Variants in HAO2 observed in about 807,000 individuals in gnomAD.
HAO2 encodes the protein 2-Hydroxyacid oxidase 2.
HAO2 carries 42 observed loss-of-function variants against 37.4 expected under a neutral mutation model. The ratio of observed to expected loss-of-function variants is 1.12; its 90% CI spans 0.88 to 1.45. The LOEUF is 1.45. Ranked by LOEUF, HAO2 falls within the 40% of genes most tolerant of loss-of-function variation. The pLI is 0.00. For synonymous variants in HAO2, 180 were observed against 162.8 expected (o/e 1.11, Z -0.81); for missense variants, 476 against 430.2 (o/e 1.11, Z -0.94).
Position 119,392,644 on chromosome 1 carries a change from G to T in HAO2, c.957G>T (p.Leu319Phe). ...GTGAACATGGTGTTAAGGAAGTTTT[G>T]AACATTTTAACAAATGAGTTCCACA... The part of the protein sequence containing the change: ...CKGEHGVKEV[L>F]NILTNEFHTS... The change falls in exon 7 of 8, where the codon TTG becomes TTT. Residue 319 changes from leucine to phenylalanine, a missense_variant. By Grantham distance (22) the Leu-to-Phe change is conservative. Coordinates refer to ENST00000325945, the MANE Select transcript of HAO2 (RefSeq NM_016527.4). 1 of 1,610,768 alleles carries T rather than the reference G, an allele frequency of 6.2e-7. No homozygotes were observed. The highest frequency in any genetic ancestry group is 2.2e-5 in the East Asian group (1 of 44,840).
intron 1 of HAO2, among the ~76,000 whole-genome samples, chr1:119,370,957 TG>T (rs1648945172): frequency 6.6e-6 from 1 of 152,200 alleles, no homozygotes. Context: ...CGTCAGAGCC[TG>T]TTTTGGAGCT....
intron 5 of HAO2, among the ~76,000 whole-genome samples, chr1:119,387,095 C>A (rs1436374523): frequency 1.3e-5 from 2 of 152,066 alleles, no homozygotes; most frequent in Admixed American, 6.6e-5. Context: ...CCCTGATTTG[C>A]AAATGGGGAT....
chr1:119,386,185 C>G (rs1295025788), intron 4 of HAO2, among the ~76,000 whole-genome samples: 1 of 151,898 alleles, frequency 6.6e-6, no homozygotes, highest in African/African-American at 2.4e-5. Context: ...TTTTGTTGCT[C>G]CTGTTTCTTT....
At chr1:119,378,162 C>T (rs1044438031) in intron 1 of HAO2, among the ~76,000 whole-genome samples, 4 of 152,146 alleles carry the variant, frequency 2.6e-5, no homozygotes, top group Admixed American at 1.3e-4. Context: ...TAGAGAATGT[C>T]TATCTTTAGA....
chr1:119,371,681 G>A (rs893508192), intron 1 of HAO2, among the ~76,000 whole-genome samples: 1 of 152,124 alleles, frequency 6.6e-6, no homozygotes, highest in South Asian at 2.1e-4. Flanking sequence ...TTTCTCACCC[G>A]TGAAATGGGG....
In HAO2 at chr1:119,385,621, G is replaced by A. The variant is rs187324439; in HGVS notation, c.561+568G>A. 88 of 985,290 alleles carry A rather than the reference G, an allele frequency of 8.9e-5. No individual in the cohort carries two copies. In the African/African-American group the frequency reaches 1.4e-3, roughly 16 times the overall value. The allele number at this position is 985,290 out of a possible 1,614,324, so 61.0% of individuals were successfully genotyped here. On this transcript the variant is annotated intron_variant, in intron 4 of 7. Coordinates refer to ENST00000325945, the MANE Select transcript of HAO2 (RefSeq NM_016527.4). ...CATTTGTTTGTAATCTCTGAACTAG[G>A]TGACTACAAAGGGGACCTTCCCCAT...
chr1:119,377,271 GA>G (rs751262862), intron 1 of HAO2, among the ~76,000 whole-genome samples: 4 of 152,142 alleles, frequency 2.6e-5, no homozygotes, highest in Non-Finnish European at 4.4e-5. Flanking sequence ...ATCTCTAAGG[GA>G]GGGGCAAAAT....
intron 7 of HAO2, among the ~76,000 whole-genome samples, chr1:119,393,448 A>G (rs1174657650): frequency 6.6e-6 from 1 of 152,150 alleles, no homozygotes; most frequent in Non-Finnish European, 1.5e-5. Flanking sequence ...CCTCCCGAAA[A>G]GATACTTCCT....
At chr1:119,384,293 A>C (rs1461426051) in intron 3 of HAO2, among the ~76,000 whole-genome samples, 1 of 152,220 alleles carries the variant, frequency 6.6e-6, no homozygotes, top group Non-Finnish European at 1.5e-5. Flanking sequence ...GATAAAGAAA[A>C]TGAGAGACTC....
intron 1 of HAO2, chr1:119,370,477 A>G (rs1436977103): frequency 6.6e-6 from 1 of 152,184 alleles, no homozygotes; most frequent in East Asian, 1.9e-4. Flanking sequence ...GCCTTTATTA[A>G]CAATCTAGTC....
chr1:119,371,215 C>T (rs182476442), intron 1 of HAO2, among the ~76,000 whole-genome samples: 2 of 152,296 alleles, frequency 1.3e-5, no homozygotes, highest in African/African-American at 4.8e-5. Flanking sequence ...GATTCCAGGT[C>T]AGGCTTTGCC....
Position 119,394,021 on chromosome 1 carries a change from C to T in HAO2, c.*181C>T. On this transcript the variant is annotated 3_prime_UTR_variant, in exon 8 of 8. Coordinates refer to ENST00000325945, the MANE Select transcript of HAO2 (RefSeq NM_016527.4). Reference sequence around the variant, plus strand: ...AGGCCCTCCAAACCCCTGTGTTCCCCAAATGTTCCATGCCCTTCTTTGTAT... The same window carrying T: ...AGGCCCTCCAAACCCCTGTGTTCCCTAAATGTTCCATGCCCTTCTTTGTAT... 1 of 1,420,428 alleles carries T rather than the reference C, an allele frequency of 7.0e-7. No homozygotes were observed. The highest frequency in any genetic ancestry group is 9.2e-7 in the Non-Finnish European group (1 of 1,082,266). The allele number at this position is 1,420,428 out of a possible 1,614,324, so 88.0% of individuals were successfully genotyped here.
rs775550007 is a variant in HAO2, at chr1:119,381,178, C to G, written c.93C>G (p.Asp31Glu). The change falls in exon 2 of 8, where the codon GAC becomes GAG. Residue 31 changes from aspartate to glutamate, a missense_variant. By Grantham distance (45) the Asp-to-Glu change is conservative. Coordinates refer to ENST00000325945, the MANE Select transcript of HAO2 (RefSeq NM_016527.4). ...ATTTTATTGAAGGTGGAGCAGATGA[C>G]AGCATCACGCGGGATGACAACATTG... ...TRDFIEGGAD[D>E]SITRDDNIAA... The G allele has an allele frequency of 4.5e-5, 73 of 1,610,016 alleles. No individual in the cohort carries two copies. The highest frequency in any genetic ancestry group is 5.4e-5 in the Non-Finnish European group (63 of 1,176,358).
intron 1 of HAO2, among the ~76,000 whole-genome samples, chr1:119,369,798 T>C (rs1328534662): frequency 2.0e-5 from 3 of 152,180 alleles, no homozygotes; most frequent in African/African-American, 7.2e-5. Context: ...CTCTAAATCG[T>C]ATCAGCTATC....
intron 4 of HAO2, among the ~76,000 whole-genome samples, chr1:119,386,405 T>C (rs973740345): frequency 6.6e-6 from 1 of 152,070 alleles, no homozygotes; most frequent in Non-Finnish European, 1.5e-5. Flanking sequence ...AGGGTCTCTG[T>C]GTGTTGCCCA....
At chr1:119,383,434 C>A (rs932489597) in intron 3 of HAO2, among the ~76,000 whole-genome samples, 3 of 152,184 alleles carry the variant, frequency 2.0e-5, no homozygotes, top group African/African-American at 7.2e-5. Flanking sequence ...TGGGCCAGGG[C>A]TAGGGCTGAA....
rs1649829276 is a variant in HAO2, at chr1:119,380,450, C to G, written c.-8-628C>G. 8 of 450,784 alleles carry G rather than the reference C, an allele frequency of 1.8e-5. No homozygotes were observed. In the East Asian group the frequency reaches 2.8e-4, roughly 16 times the overall value. 27.9% of individuals were successfully genotyped at this position (450,784 alleles called of 1,614,324 possible). On this transcript the variant is annotated intron_variant, in intron 1 of 7. Coordinates refer to ENST00000325945, the MANE Select transcript of HAO2 (RefSeq NM_016527.4). ...TAAGCAACATGTTCAGCGACCCAGC[C>G]AAGAATTACAAAGTAAACTTTGTCT...
chr1:119,390,201 A>T (rs1451110494), intron 5 of HAO2, among the ~76,000 whole-genome samples: 1 of 152,114 alleles, frequency 6.6e-6, no homozygotes, highest in Non-Finnish European at 1.5e-5. Context: ...GTAACGAGAG[A>T]GAATTCATGT....
At chr1:119,376,815 C>T (rs7547008) in intron 1 of HAO2, among the ~76,000 whole-genome samples, 5,222 of 152,274 alleles carry the variant, frequency 0.034, 279 homozygotes, top group African/African-American at 0.12. Context: ...CCCCTTTTAG[C>T]CATGGCTGGA....
Sources: gnomAD v4.1 joint callset for allele counts (sites outside exome capture counted in the v4.1 genomes callset) on GRCh38, gnomAD v4.1.1 for gene constraint, MANE v1.5 for transcripts, NCBI Gene and HGNC (gene_info 2026-07-23, HGNC 2026-07-21) for gene names.